The following PTPRD variants were observed in gnomAD, a reference collection of about 807,000 sequenced individuals.
PTPRD encodes the protein receptor-type tyrosine-protein phosphatase delta.
PTPRD carries 34 observed loss-of-function variants against 214.5 expected under a neutral mutation model. That is an observed-to-expected ratio of 0.16 (90% CI 0.12 to 0.21). PTPRD has a LOEUF of 0.21. Ranked by LOEUF, PTPRD falls within the 10% of genes least tolerant of loss-of-function variation. The pLI is 1.00. For synonymous variants in PTPRD, 1,128 were observed against 845.7 expected (o/e 1.33, Z -5.79); for missense variants, 2,545 against 2,398.7 (o/e 1.06, Z -1.27).
Position 9,724,343 on chromosome 9 carries a change from G to T in PTPRD, c.-287+10190C>A, listed in dbSNP as rs527380896. Among the ~76,000 whole-genome samples the T allele has an allele frequency of 2.0e-5, 3 of 152,228 alleles. 1 individual carries two copies. The highest frequency in any genetic ancestry group is 2.0e-4 in the Admixed American group (3 of 15,282). On this transcript the variant is annotated intron_variant, in intron 7 of 45. Transcript: ENST00000381196. ...AGTTACAGATTAAATGCTTTTGAGG[G>T]TGTTTATCATCTCTCAAAGCTCAAC... is the stretch of plus-strand genomic sequence containing the variant.
intron 2 of PTPRD, among the ~76,000 whole-genome samples, chr9:10,442,766 A>C (rs2098768987): frequency 2.0e-5 from 3 of 151,580 alleles, no homozygotes; most frequent in Admixed American, 1.3e-4. Context: ...AATGTTGTCT[A>C]TAATGATAAG....
At chr9:9,471,666 T>C (rs1038002914) in intron 8 of PTPRD, among the ~76,000 whole-genome samples, 6 of 152,200 alleles carry the variant, frequency 3.9e-5, no homozygotes, top group Non-Finnish European at 8.8e-5. Flanking sequence ...AATTTCATTA[T>C]AGGAGATGTA....
intron 10 of PTPRD, among the ~76,000 whole-genome samples, chr9:9,090,268 G>A (rs968399346): frequency 2.6e-5 from 4 of 151,882 alleles, no homozygotes; most frequent in Admixed American, 2.0e-4. Flanking sequence ...CCTCTATAAG[G>A]TACACTTTTT....
chr9:10,189,809 G>C (rs925101775), intron 3 of PTPRD, among the ~76,000 whole-genome samples: 1 of 152,050 alleles, frequency 6.6e-6, no homozygotes, highest in Non-Finnish European at 1.5e-5. Context: ...TATAAACCAA[G>C]ACTCAAAGAA....
At chr9:9,834,606 T>C (rs892000121) in intron 5 of PTPRD, among the ~76,000 whole-genome samples, 1 of 152,104 alleles carries the variant, frequency 6.6e-6, no homozygotes, top group African/African-American at 2.4e-5. Flanking sequence ...CTGAAATAAG[T>C]ACTAGTTTGG....
At chr9:9,181,413 C>T (rs2099928124) in intron 10 of PTPRD, among the ~76,000 whole-genome samples, 1 of 151,768 alleles carries the variant, frequency 6.6e-6, no homozygotes, top group Non-Finnish European at 1.5e-5. Flanking sequence ...CTAAAATATG[C>T]TGCCTGTTTC....
chr9:9,445,929 T>A (rs2090246721), intron 8 of PTPRD, among the ~76,000 whole-genome samples: 2 of 152,198 alleles, frequency 1.3e-5, no homozygotes, highest in Admixed American at 6.5e-5. Flanking sequence ...TTAGCACAGT[T>A]GTGCAGAACA....
At chr9:9,981,250 G>A (rs1044438612) in intron 4 of PTPRD, among the ~76,000 whole-genome samples, 4 of 152,108 alleles carry the variant, frequency 2.6e-5, no homozygotes, top group African/African-American at 9.7e-5. Context: ...CAGTCAGATG[G>A]ATGAGTTTCA....
intron 2 of PTPRD, among the ~76,000 whole-genome samples, chr9:10,381,387 A>G (rs1052527589): frequency 6.6e-6 from 1 of 152,018 alleles, no homozygotes; most frequent in African/African-American, 2.4e-5. Context: ...CATCATTTCT[A>G]TATTGCAGAA....
At chr9:8,901,262 A>T (rs951094532) in intron 11 of PTPRD, among the ~76,000 whole-genome samples, 8 of 152,198 alleles carry the variant, frequency 5.3e-5, no homozygotes, top group African/African-American at 1.9e-4. Flanking sequence ...GATGGGTAAG[A>T]GTCTGAGCTC....
chr9:8,419,121 T>C (rs1012523586), intron 35 of PTPRD, among the ~76,000 whole-genome samples: 5 of 151,344 alleles, frequency 3.3e-5, no homozygotes, highest in African/African-American at 1.2e-4. Context: ...CTTGGGAGCC[T>C]GAGGCAGGAG....
intron 3 of PTPRD, among the ~76,000 whole-genome samples, chr9:10,322,962 G>A (rs1450129796): frequency 1.3e-5 from 2 of 151,772 alleles, no homozygotes; most frequent in African/African-American, 2.4e-5. Flanking sequence ...AAGTAACTAT[G>A]GGGAAGATAC....
intron 2 of PTPRD, among the ~76,000 whole-genome samples, chr9:10,478,044 T>C (rs1052069913): frequency 2.6e-5 from 4 of 151,462 alleles, no homozygotes; most frequent in African/African-American, 9.7e-5. Flanking sequence ...GCTCTAAACC[T>C]AGATAACAGG....
chr9:10,170,367 C>G (rs927604260), intron 3 of PTPRD, among the ~76,000 whole-genome samples: 2 of 152,094 alleles, frequency 1.3e-5, no homozygotes, highest in African/African-American at 4.8e-5. Flanking sequence ...TTAAATTATT[C>G]TTTGAAAGAA....
chr9:9,872,667 T>C (rs907326165), intron 5 of PTPRD, among the ~76,000 whole-genome samples: 2 of 152,112 alleles, frequency 1.3e-5, no homozygotes, highest in African/African-American at 2.4e-5. Context: ...ATGAGATAGA[T>C]ACACTTAAAG....
intron 14 of PTPRD, among the ~76,000 whole-genome samples, chr9:8,576,543 T>C (rs1477150059): frequency 6.6e-6 from 1 of 151,806 alleles, no homozygotes; most frequent in African/African-American, 2.4e-5. Context: ...GAGTTATGTG[T>C]AGTTCTCTTT....
At chr9:10,131,906 A>T (rs532960906) in intron 3 of PTPRD, among the ~76,000 whole-genome samples, 1 of 152,176 alleles carries the variant, frequency 6.6e-6, no homozygotes, top group African/African-American at 2.4e-5. Context: ...AAATCAAAAA[A>T]TATGCTCAAA....
intron 2 of PTPRD, among the ~76,000 whole-genome samples, chr9:10,344,179 T>G (rs1031040453): frequency 1.6e-4 from 24 of 151,850 alleles, no homozygotes; most frequent in Non-Finnish European, 4.4e-5. Flanking sequence ...ATTTAAGTCT[T>G]TAATCCATCT....
chr9:8,518,112 G>A lies in PTPRD; in HGVS notation c.1279C>T (p.Arg427Ter), dbSNP rs533774328. Residue 427 changes from arginine to a stop codon, truncating the protein, a stop_gained, in exon 21 of 46, where the codon CGA (arginine) becomes TGA (stop). Coordinates refer to ENST00000381196, the MANE Select transcript of PTPRD (RefSeq NM_002839.4). LOFTEE classifies it high-confidence loss of function. ...PSSAPRDVQA[R>*]MLSSTTILVQ... ...AAAATGGTGGTCGAACTCAACATTC[G>A]TGCCTGGACATCCCTCGGGGCACTG... 1 of 1,614,094 alleles carries A rather than the reference G, an allele frequency of 6.2e-7. No individual in the cohort carries two copies. The highest frequency in any genetic ancestry group is 8.5e-7 in the Non-Finnish European group (1 of 1,180,024).
Sources: allele counts gnomAD v4.1 joint callset (sites outside exome capture counted in the v4.1 genomes callset), GRCh38; gene constraint gnomAD v4.1.1; transcripts MANE v1.5; gene names NCBI Gene and HGNC (gene_info 2026-07-23, HGNC 2026-07-21).